The following ERN1 variants were observed in gnomAD, a reference collection of about 807,000 sequenced individuals.
The protein encoded by ERN1 is serine/threonine-protein kinase/endoribonuclease IRE1.
ERN1 carries 39 observed loss-of-function variants against 113.1 expected under a neutral mutation model. That is an observed-to-expected ratio of 0.34 (90% confidence interval 0.27 to 0.45). The LOEUF is 0.45. Among genes scored for constraint, ERN1 ranks in the 20% least tolerant of loss-of-function variants. The pLI is 1.00. For synonymous variants in ERN1, 507 were observed against 515.9 expected, an observed-to-expected ratio of 0.98 and a Z score of 0.23; for missense variants, 976 against 1,274.8, an observed-to-expected ratio of 0.77 and a Z score of 3.57.
In ERN1 at chr17:64,128,570, C is replaced by T. The variant is rs886554279; in HGVS notation, c.54+1406G>A. On this transcript the variant is annotated intron_variant, in intron 1 of 21. Transcript: ENST00000433197. ...CAAAGGAAACCATTATACACCTATC[C>T]CTTGACGTTATGAAATGATCGAATT... is the stretch of plus-strand genomic sequence containing the variant. 2.6e-5 allele frequency among the ~76,000 whole-genome samples: 4 copies of T among 152,258 alleles called. No homozygotes were observed. The South Asian group carries it at 6.2e-4, about 24-fold the overall frequency.
Position 64,068,278 on chromosome 17 carries a change from G to C in ERN1, c.492C>G (p.Thr164=). 3 of 1,611,740 alleles carry C rather than the reference G, an allele frequency of 1.9e-6. No individual in the cohort carries two copies. The highest frequency in any genetic ancestry group is 2.5e-6 in the Non-Finnish European group (3 of 1,178,822). Residue 164 remains threonine, a synonymous_variant, in exon 7 of 22, where the codon ACC becomes ACG. Coordinates refer to ENST00000433197, the MANE Select transcript of ERN1 (RefSeq NM_001433.5). ...LYLGRTEYTI[T]MYDTKTRELR... ...GCTCTCGGGTTTTGGTGTCGTACAT[G>C]GTGATGGTGTATTCTAAAGAACACA...
rs1260689192 is a variant in ERN1 at position 64,043,348 on chromosome 17, C to G, written c.*640G>C. The G allele has an allele frequency of 6.5e-6, 1 of 152,852 alleles. No individual in the cohort carries two copies. Among genetic ancestry groups the G allele is most frequent in the East Asian group, 1.9e-4 (1 of 5,338 alleles). 9.5% of individuals were successfully genotyped at this position (152,852 alleles called of 1,614,324 possible). On this transcript the variant is annotated 3_prime_UTR_variant, in exon 22 of 22. Transcript: ENST00000433197. Reference sequence around the variant, plus strand: ...TTTCTGAGACCTGCAGACACAACCCCACCTGCCAGCATGCATAGCTGACCA... The same window carrying G: ...TTTCTGAGACCTGCAGACACAACCCGACCTGCCAGCATGCATAGCTGACCA...
At chr17:64,096,682 G>GT (rs1157832923) in intron 2 of ERN1, among the ~76,000 whole-genome samples, 1 of 152,286 alleles carries the variant, frequency 6.6e-6, no homozygotes, top group East Asian at 1.9e-4. Flanking sequence ...ATTCAATTGA[G>GT]TTAAAAAGAG....
At chr17:64,128,713 G>C (rs187059745) in intron 1 of ERN1, 12 of 151,980 alleles carry the variant, frequency 7.9e-5, no homozygotes, top group African/African-American at 2.4e-4. Flanking sequence ...TGTAAAAGTG[G>C]GGTTTTTATT....
chr17:64,073,468 C>T (rs1205368379), intron 5 of ERN1, among the ~76,000 whole-genome samples: 1 of 150,280 alleles, frequency 6.7e-6, no homozygotes, highest in African/African-American at 2.4e-5. Flanking sequence ...AGCCACCATG[C>T]CCGGCCACCT....
chr17:64,058,801 C>T (rs927021360), intron 11 of ERN1, among the ~76,000 whole-genome samples: 2 of 152,118 alleles, frequency 1.3e-5, no homozygotes, highest in Non-Finnish European at 2.9e-5. Context: ...CATTTCACCC[C>T]TCCCCCCAGA....
At position 64,049,308 on chromosome 17, in the gene ERN1, T is replaced by C; in HGVS notation, c.2254-106A>G. 1 of 1,202,426 alleles carries C rather than the reference T, an allele frequency of 8.3e-7. No individual in the cohort carries two copies. Among genetic ancestry groups the C allele is most frequent in the Non-Finnish European group, 1.1e-6 (1 of 881,510 alleles). The allele number at this position is 1,202,426 out of a possible 1,614,324, so 74.5% of individuals were successfully genotyped here. On this transcript the variant is annotated intron_variant, in intron 17 of 21. Transcript: ENST00000433197. This position sits in a 1 kb window ranked among gnomAD's most constrained non-coding sequence, Gnocchi z 4.7. ...TGCTGCTTCTGCCACCTAGAAGGTG[T>C]CCTGGGAGAATCAGCTGACATATGT...
chr17:64,044,102 G>A lies in ERN1; in HGVS notation c.2820C>T (p.Leu940=). 1.2e-6 allele frequency: 2 copies of A among 1,613,112 alleles called. No homozygotes were observed. The highest frequency in any genetic ancestry group is 1.1e-5 in the South Asian group (1 of 90,922). The change falls in exon 22 of 22, where the codon CTC becomes CTT. Residue 940 remains leucine (L), a synonymous_variant. Coordinates refer to ENST00000433197, the MANE Select transcript of ERN1 (RefSeq NM_001433.5). The surrounding 1 kb of genome is among the most constrained non-coding windows in gnomAD (Gnocchi z 4.1). Reference sequence around the variant, plus strand: ...CCATGGCCCGGTAGGTGTGTGCGAGGAGGTGGGGGAAGCGAGATGTGAAGT... The same window carrying A: ...CCATGGCCCGGTAGGTGTGTGCGAGAAGGTGGGGGAAGCGAGATGTGAAGT... ...VCYFTSRFPH[L]LAHTYRAMEL...
intron 1 of ERN1, among the ~76,000 whole-genome samples, chr17:64,104,305 G>T (rs1053460222): frequency 1.3e-5 from 2 of 152,182 alleles, no homozygotes; most frequent in Non-Finnish European, 2.9e-5. Flanking sequence ...CCTTATCACT[G>T]AAGTTTTGGT....
Position 64,039,710 on chromosome 17 carries a change from G to C in ERN1, c.*4278C>G, listed in dbSNP as rs746920157. On this transcript the variant is annotated 3_prime_UTR_variant, in exon 22 of 22. Coordinates refer to ENST00000433197, the MANE Select transcript of ERN1 (RefSeq NM_001433.5). Reference sequence around the variant, plus strand: ...CAAGGTTTACATCTGAGAATGCAGAGTAGGTGACTGGTAATGCTTTCTAGG... The same window carrying C: ...CAAGGTTTACATCTGAGAATGCAGACTAGGTGACTGGTAATGCTTTCTAGG... 2.0e-5 allele frequency: 3 copies of C among 152,242 alleles called. No homozygotes were observed. The highest frequency in any genetic ancestry group is 6.5e-5 in the Admixed American group (1 of 15,282). The allele number at this position is 152,242 out of a possible 1,614,324, so 9.4% of individuals were successfully genotyped here. A position where few individuals can be genotyped will look rare whatever the true frequency, so the allele number is the denominator to read the frequency against.
At chr17:64,076,713 C>T (rs2143401309) in intron 4 of ERN1, among the ~76,000 whole-genome samples, 1 of 152,236 alleles carries the variant, frequency 6.6e-6, no homozygotes, top group Admixed American at 6.5e-5. Flanking sequence ...CATTCTCCTG[C>T]CTCAGCCTCC....
chr17:64,094,516 T>G (rs1236805045), intron 2 of ERN1, among the ~76,000 whole-genome samples: 2 of 152,112 alleles, frequency 1.3e-5, no homozygotes, highest in Non-Finnish European at 2.9e-5. Flanking sequence ...AAGGAAGCGC[T>G]GGGTCCCTCC....
At chr17:64,047,329 T>G (rs1330992893) in intron 19 of ERN1, among the ~76,000 whole-genome samples, 4 of 152,152 alleles carry the variant, frequency 2.6e-5, no homozygotes, top group Admixed American at 2.0e-4. Flanking sequence ...ACCACTGTAC[T>G]CCAGCCTGGG....
chr17:64,121,767 G>A (rs1001441786), intron 1 of ERN1, among the ~76,000 whole-genome samples: 29 of 152,302 alleles, frequency 1.9e-4, no homozygotes, highest in African/African-American at 7.0e-4. Context: ...AATTACAGGC[G>A]TGAGCCACTG....
intron 1 of ERN1, chr17:64,128,722 T>TA (rs1194668348): frequency 3.9e-5 from 6 of 152,140 alleles, no homozygotes; most frequent in Non-Finnish European, 8.8e-5. Context: ...GGGGTTTTTA[T>TA]TTGAAAGAAA....
chr17:64,065,394 C>A (rs1422974827), intron 8 of ERN1, 107 bp from the exon 9 acceptor site: 2 of 767,134 alleles, frequency 2.6e-6, no homozygotes, highest in African/African-American at 3.5e-5. Flanking sequence ...ACCACATTAA[C>A]CCCCCAGACA....
intron 6 of ERN1, among the ~76,000 whole-genome samples, chr17:64,069,376 G>GA (rs1182194905): frequency 4.0e-5 from 6 of 151,598 alleles, no homozygotes; most frequent in South Asian, 4.2e-4. Flanking sequence ...CAGTCAAATT[G>GA]AAAAAAAAGG....
At chr17:64,084,771 T>G (rs947448182) in intron 2 of ERN1, among the ~76,000 whole-genome samples, 1 of 152,184 alleles carries the variant, frequency 6.6e-6, no homozygotes, top group Non-Finnish European at 1.5e-5. Flanking sequence ...CCTGTCACCC[T>G]TTAACAATCT....
intron 1 of ERN1, 161 bp from the exon 2 acceptor site, chr17:64,098,402 T>G: frequency 1.1e-6 from 1 of 890,168 alleles, no homozygotes. Context: ...CAGTCAGGAC[T>G]AGAACCCAGG....
Sources: gnomAD v4.1 joint callset for allele counts (sites outside exome capture counted in the v4.1 genomes callset) on GRCh38, gnomAD v4.1.1 for gene constraint, Gnocchi (gnomAD v3.1) non-coding constraint, MANE v1.5 for transcripts, NCBI Gene and HGNC (gene_info 2026-07-23, HGNC 2026-07-21) for gene names.